Variants in TBXAS1 observed in about 807,000 individuals in gnomAD.
TBXAS1 encodes thromboxane A synthase 1.
TBXAS1 carries 48 observed loss-of-function variants against 60.7 expected under a neutral mutation model. That is an observed-to-expected ratio of 0.79 (90% CI 0.63 to 1.01). The LOEUF (loss-of-function observed/expected upper bound fraction) is 1.01, where lower values mean the gene tolerates loss of function less well. TBXAS1 is among the 50% of genes least tolerant of loss of function. TBXAS1 has a pLI of 0.00. For missense variants in TBXAS1, 685 were observed against 686.3 expected (o/e 1.00, Z 0.02); for synonymous variants, 287 against 269.7 (o/e 1.06, Z -0.63).
At chr7:139,942,775 C>T (rs1808395112) in intron 5 of TBXAS1, among the ~76,000 whole-genome samples, 2 of 152,146 alleles carry the variant, frequency 1.3e-5, no homozygotes, top group East Asian at 1.9e-4. Flanking sequence ...AGCACTGATC[C>T]GGCTCTCTGC....
intron 4 of TBXAS1, among the ~76,000 whole-genome samples, chr7:139,919,087 T>A (rs1245498561): frequency 6.6e-6 from 1 of 152,120 alleles, no homozygotes; most frequent in African/African-American, 2.4e-5. Context: ...CAGATAGCAA[T>A]AGATATAAAT....
chr7:140,010,774 C>A (rs1814546834), intron 10 of TBXAS1, among the ~76,000 whole-genome samples: 1 of 152,132 alleles, frequency 6.6e-6, no homozygotes, highest in Non-Finnish European at 1.5e-5. Context: ...AGAGAGGGAG[C>A]AGCAAGAAGC....
At chr7:139,993,892 C>CTT (rs71170931) in intron 9 of TBXAS1, among the ~76,000 whole-genome samples, 85 of 111,684 alleles carry the variant, frequency 7.6e-4, no homozygotes, top group African/African-American at 1.1e-3. Flanking sequence ...TTCTTTCTTT[C>CTT]TTTTTTTTTT....
At chr7:139,881,073 A>G (rs1802654941) in intron 3 of TBXAS1, among the ~76,000 whole-genome samples, 1 of 152,176 alleles carries the variant, frequency 6.6e-6, no homozygotes, top group African/African-American at 2.4e-5. Context: ...TTAAAATGCA[A>G]TGTATTTTGT....
intron 1 of TBXAS1, among the ~76,000 whole-genome samples, chr7:139,847,336 T>C (rs1243323511): frequency 1.3e-5 from 2 of 152,066 alleles, no homozygotes; most frequent in Non-Finnish European, 2.9e-5. Flanking sequence ...CAATGAGGCA[T>C]AGCACATCAG....
chr7:139,930,113 T>G (rs969735585), intron 4 of TBXAS1, among the ~76,000 whole-genome samples: 6 of 152,182 alleles, frequency 3.9e-5, no homozygotes, highest in Non-Finnish European at 7.3e-5. Flanking sequence ...CATGATGCCT[T>G]TGCTGTAATG....
At chr7:139,965,723 G>C (rs1810735223) in intron 9 of TBXAS1, among the ~76,000 whole-genome samples, 1 of 152,120 alleles carries the variant, frequency 6.6e-6, no homozygotes, top group Non-Finnish European at 1.5e-5. Flanking sequence ...TGGTTGTGGG[G>C]GGGAGTCTCT....
At chr7:139,829,877 T>C (rs2116479319) in intron 1 of TBXAS1, among the ~76,000 whole-genome samples, 1 of 152,264 alleles carries the variant, frequency 6.6e-6, no homozygotes, top group Non-Finnish European at 1.5e-5. Context: ...TCATATTACA[T>C]TCAAAACAAA....
At position 139,907,912 on chromosome 7, in the gene TBXAS1, TC is replaced by T. The variant is rs200129652; in HGVS notation, c.237-3312del. Among the ~76,000 whole-genome samples, 1,242 of 152,174 alleles carry T rather than the reference TC, an allele frequency of 8.2e-3. 8 individuals are homozygous for T. The highest frequency in any genetic ancestry group is 0.013 in the Non-Finnish European group (874 of 67,922). On this transcript the variant is annotated intron_variant, in intron 3 of 12. Coordinates refer to ENST00000448866, the MANE Select transcript of TBXAS1 (RefSeq NM_001061.7). Reference sequence around the variant, plus strand: ...TAGTTTGTAATTTTCATAGAATTGGTCAATTTCTTTCTAGTTTTTAAATATA... The same window carrying T: ...TAGTTTGTAATTTTCATAGAATTGGTAATTTCTTTCTAGTTTTTAAATATA...
intron 3 of TBXAS1, among the ~76,000 whole-genome samples, chr7:139,887,587 G>A (rs1803205636): frequency 6.6e-6 from 1 of 152,188 alleles, no homozygotes; most frequent in African/African-American, 2.4e-5. Context: ...AATCCATGTT[G>A]TAGCACATGG....
At chr7:139,960,816 C>G (rs1810272289) in intron 8 of TBXAS1, among the ~76,000 whole-genome samples, 1 of 151,888 alleles carries the variant, frequency 6.6e-6, no homozygotes, top group African/African-American at 2.4e-5. Flanking sequence ...AGCCAGTGAA[C>G]TGAGAAAATG....
At chr7:139,969,987 GC>G (rs1057362505) in intron 9 of TBXAS1, among the ~76,000 whole-genome samples, 4 of 152,246 alleles carry the variant, frequency 2.6e-5, no homozygotes, top group Admixed American at 2.6e-4. Flanking sequence ...TGTGGCACCG[GC>G]CCTTGGTTAG....
intron 9 of TBXAS1, among the ~76,000 whole-genome samples, chr7:139,985,430 G>T (rs1432460192): frequency 1.3e-5 from 2 of 152,202 alleles, no homozygotes; most frequent in Non-Finnish European, 2.9e-5. Flanking sequence ...GTTATCAGCT[G>T]CTTCCAAAGG....
intron 4 of TBXAS1, among the ~76,000 whole-genome samples, chr7:139,802,450 G>A (rs538363812): frequency 2.1e-4 from 32 of 152,236 alleles, no homozygotes; most frequent in East Asian, 7.7e-4. Context: ...TTCTGTTCTC[G>A]TGATAGTGAA....
intron 3 of TBXAS1, among the ~76,000 whole-genome samples, chr7:139,898,580 G>A (rs948574960): frequency 4.6e-5 from 7 of 152,054 alleles, no homozygotes; most frequent in African/African-American, 1.7e-4. Flanking sequence ...GCAAGTGCTG[G>A]GATTACAGGC....
chr7:139,981,786 C>G (rs1811998820), intron 9 of TBXAS1, among the ~76,000 whole-genome samples: 1 of 152,152 alleles, frequency 6.6e-6, no homozygotes, highest in Non-Finnish European at 1.5e-5. Flanking sequence ...AGGGCCTGGC[C>G]CTGAAGGTTT....
At chr7:139,993,603 A>G (rs904097588) in intron 9 of TBXAS1, among the ~76,000 whole-genome samples, 4 of 152,154 alleles carry the variant, frequency 2.6e-5, no homozygotes, top group African/African-American at 7.2e-5. Flanking sequence ...AGCATGCTCC[A>G]CAATTTCTTA....
At chr7:139,845,213 C>T (rs1017553051) in intron 1 of TBXAS1, among the ~76,000 whole-genome samples, 1 of 152,112 alleles carries the variant, frequency 6.6e-6, no homozygotes, top group Non-Finnish European at 1.5e-5. Context: ...CTGCAGCCAC[C>T]GGCTCACTGC....
chr7:139,971,209 G>GGGA (rs1194300889), intron 9 of TBXAS1, among the ~76,000 whole-genome samples: 1 of 152,148 alleles, frequency 6.6e-6, no homozygotes, highest in Non-Finnish European at 1.5e-5. Context: ...ATCAGGCAAA[G>GGGA]GGAGGAAAAG....
Sources: allele counts gnomAD v4.1 joint callset (sites outside exome capture counted in the v4.1 genomes callset), GRCh38; gene constraint gnomAD v4.1.1; transcripts MANE v1.5; gene names NCBI Gene and HGNC (gene_info 2026-07-23, HGNC 2026-07-21).